CCM2L: variants seen among roughly 807,000 people sequenced by gnomAD.
CCM2L encodes cerebral cavernous malformations 2 protein-like.
CCM2L carries 36 observed loss-of-function variants against 54.1 expected under a neutral mutation model. That is an observed-to-expected ratio of 0.67 (90% confidence interval 0.51 to 0.88). The LOEUF (loss-of-function observed/expected upper bound fraction) is 0.88. CCM2L is among the 40% of genes least tolerant of loss of function. The probability of loss-of-function intolerance (pLI) is 0.00; values close to 1 mark genes in which losing one functional copy is unlikely to be tolerated. For missense variants in CCM2L, 700 were observed against 812.1 expected, an observed-to-expected ratio of 0.86 and a Z score of 1.68; for synonymous variants, 351 against 359.3, an observed-to-expected ratio of 0.98 and a Z score of 0.26.
intron 5 of CCM2L, 122 bp from the exon 6 acceptor site, chr20:32,022,538 C>T: frequency 8.8e-7 from 1 of 1,133,648 alleles, no homozygotes; most frequent in Non-Finnish European, 1.2e-6. Flanking sequence ...TCTTGAAAGC[C>T]AATTTAAAGG....
Position 32,019,395 on chromosome 20 carries a change from G to T in CCM2L, c.919G>T (p.Ala307Ser). 6.5e-7 allele frequency: 1 copy of T among 1,530,414 alleles called. No homozygotes were observed. The highest frequency in any genetic ancestry group is 8.7e-7 in the Non-Finnish European group (1 of 1,147,160). The allele number at this position is 1,530,414 out of a possible 1,614,324, so 94.8% of individuals were successfully genotyped here. A position where few individuals can be genotyped will look rare whatever the true frequency, so the allele number is the denominator to read the frequency against. ...PDAYCNLVILAVANRDAAEES... is the reference protein window; with the variant it reads ...PDAYCNLVILSVANRDAAEES... ...CGCCTACTGCAACCTGGTCATCCTG[G>T]CTGTAGCCAACAGGGTGAGCCCGAG... The change falls in exon 5 of 10, where the codon GCT becomes TCT. Residue 307 changes from alanine to serine, a missense_variant. Ala to Ser is a moderately conservative substitution (Grantham distance 99, BLOSUM62 1). Transcript: ENST00000452892.
intron 8 of CCM2L, 82 bp downstream of exon 8, chr20:32,029,206 T>C: frequency 6.3e-7 from 1 of 1,576,304 alleles, no homozygotes; most frequent in Non-Finnish European, 8.7e-7. Flanking sequence ...CACATTGCCC[T>C]GGACATAACC....
chr20:32,011,797 G>A (rs1057209440), intron 1 of CCM2L, among the ~76,000 whole-genome samples: 11 of 151,826 alleles, frequency 7.2e-5, no homozygotes, highest in African/African-American at 2.7e-4. Flanking sequence ...GACTGAAGGA[G>A]GACTGTGTAG....
intron 4 of CCM2L, 23 bp downstream of exon 4, chr20:32,018,185 CGG>C: frequency 2.8e-6 from 1 of 352,898 alleles, no homozygotes. Flanking sequence ...GGGGCGGGGG[CGG>C]GGGAGGGGCG....
Position 32,019,414 on chromosome 20 carries a change from G to T in CCM2L, c.933+5G>T. ...ATCCTGGCTGTAGCCAACAGGGTGA[G>T]CCCGAGGGCAGCCTGCTCCCAAAGC... On this transcript the variant is annotated splice_donor_5th_base_variant and intron_variant, in intron 5 of 9. Coordinates refer to ENST00000452892, the MANE Select transcript of CCM2L (RefSeq NM_001365692.1). The T allele has an allele frequency of 6.6e-7, 1 of 1,513,862 alleles. No individual in the cohort carries two copies. Among genetic ancestry groups the T allele is most frequent in the South Asian group, 1.2e-5 (1 of 82,838 alleles). 93.8% of individuals were successfully genotyped at this position (1,513,862 alleles called of 1,614,324 possible). A position where few individuals can be genotyped will look rare whatever the true frequency, so the allele number is the denominator to read the frequency against.
At position 32,031,446 on chromosome 20, in the gene CCM2L, C is replaced by T. The variant is rs189040554; in HGVS notation, c.*132C>T. On this transcript the variant is annotated 3_prime_UTR_variant, in exon 10 of 10. Coordinates refer to ENST00000452892, the MANE Select transcript of CCM2L (RefSeq NM_001365692.1). ...GGGTCTTCACTCCAGGGTCTCGCTCCCTGCCCTTGGGGCCCGGGGCCATGC... is the reference window on the plus strand; with the variant it reads ...GGGTCTTCACTCCAGGGTCTCGCTCTCTGCCCTTGGGGCCCGGGGCCATGC... 982 of 726,858 alleles carry T rather than the reference C, an allele frequency of 1.4e-3. 9 individuals are homozygous for T. In the African/African-American group the frequency reaches 0.016, roughly 12 times the overall value. 45.0% of individuals were successfully genotyped at this position (726,858 alleles called of 1,614,324 possible). A position where few individuals can be genotyped will look rare whatever the true frequency, so the allele number is the denominator to read the frequency against.
chr20:32,025,363 G>A (rs572348926), intron 6 of CCM2L, among the ~76,000 whole-genome samples: 1 of 151,438 alleles, frequency 6.6e-6, no homozygotes, highest in East Asian at 1.9e-4. Context: ...CGACCTCCCA[G>A]GCCCAAGCAG....
Position 32,017,806 on chromosome 20 carries a change from G to A in CCM2L, c.205G>A (p.Gly69Ser), listed in dbSNP as rs376417186. The part of the protein sequence containing the change: ...DYLEKEVKFL[G>S]HLTWVTSSLN... ...CACCCCGATTTCCATCCAGTTCCTG[G>A]GCCACCTTACCTGGGTGACTTCCTC... The change falls in exon 3 of 10, where the codon GGC (glycine) becomes AGC (serine). Residue 69 changes from glycine to serine, a missense_variant. Physicochemically the swap from Gly to Ser is moderately conservative, Grantham distance 56. Transcript: ENST00000452892. 3 of 1,614,020 alleles carry A rather than the reference G, an allele frequency of 1.9e-6. No homozygotes were observed. The highest frequency in any genetic ancestry group is 2.2e-5 in the East Asian group (1 of 44,862).
intron 7 of CCM2L, 136 bp from the exon 8 acceptor site, chr20:32,028,859 A>G: frequency 9.2e-7 from 1 of 1,088,274 alleles, no homozygotes; most frequent in East Asian, 2.6e-5. Flanking sequence ...ATGAGACTTG[A>G]GAGGTGCCAG....
At chr20:32,023,787 A>G (rs1032380548) in intron 6 of CCM2L, among the ~76,000 whole-genome samples, 1 of 152,216 alleles carries the variant, frequency 6.6e-6, no homozygotes, top group Admixed American at 6.5e-5. Flanking sequence ...GCTGGAGTGC[A>G]GTGGCACGAT....
intron 8 of CCM2L, among the ~76,000 whole-genome samples, chr20:32,029,458 C>G (rs998293850): frequency 2.0e-5 from 3 of 152,298 alleles, no homozygotes; most frequent in Non-Finnish European, 4.4e-5. Context: ...GAGGTTGTCA[C>G]CTACCCAAGA....
chr20:32,017,018 C>T (rs1297995323), intron 2 of CCM2L, among the ~76,000 whole-genome samples: 4 of 150,708 alleles, frequency 2.7e-5, no homozygotes, highest in Admixed American at 6.6e-5. Context: ...CGTGGTGGCA[C>T]GTGCCTGTAA....
At position 32,011,911 on chromosome 20, in the gene CCM2L, A is replaced by T. The variant is rs542525147; in HGVS notation, c.30+1427A>T. On this transcript the variant is annotated intron_variant, in intron 1 of 9. Coordinates refer to ENST00000452892, the MANE Select transcript of CCM2L (RefSeq NM_001365692.1). ...AAATACTTACCCCTCCCCACCCCTA[A>T]TACACACACATACGCAAGACAAAGT... 4.0e-5 allele frequency among the ~76,000 whole-genome samples: 6 copies of T among 151,868 alleles called. No individual in the cohort carries two copies. The South Asian group carries it at 1.3e-3, about 32-fold the overall frequency.
chr20:32,030,227 C>T (rs933036201), intron 9 of CCM2L, among the ~76,000 whole-genome samples: 1 of 152,170 alleles, frequency 6.6e-6, no homozygotes, highest in African/African-American at 2.4e-5. Flanking sequence ...CTGACATGTG[C>T]TTGGCAGTTA....
chr20:32,028,949 G>A (rs1469811374), intron 7 of CCM2L, 46 bp from the exon 8 acceptor site: 1 of 1,610,450 alleles, frequency 6.2e-7, no homozygotes, highest in Admixed American at 1.7e-5. Flanking sequence ...CTGAGGGCCA[G>A]GAGCTGGAGG....
intron 1 of CCM2L, among the ~76,000 whole-genome samples, chr20:32,014,259 A>ATT (rs1469397735): frequency 0.056 from 7,730 of 138,316 alleles, 230 homozygotes; most frequent in African/African-American, 0.079. Flanking sequence ...ATATATATAT[A>ATT]TATTTTTTTT....
intron 9 of CCM2L, among the ~76,000 whole-genome samples, chr20:32,030,203 A>G (rs1478278687): frequency 6.6e-6 from 1 of 152,192 alleles, no homozygotes; most frequent in Non-Finnish European, 1.5e-5. Flanking sequence ...AACAGGAGGA[A>G]TAATACGAAT....
At position 32,027,302 on chromosome 20, in the gene CCM2L, C is replaced by T. The variant is rs376255748; in HGVS notation, c.1133+1383C>T. ...TTAGTGGCAATAGATTTGCCTTCCT[C>T]ATACTGTATGCCCTTAGGCTAGTCT... On this transcript the variant is annotated intron_variant, in intron 7 of 9. Transcript: ENST00000452892. Among the ~76,000 whole-genome samples the T allele has an allele frequency of 5.9e-5, 9 of 152,254 alleles. No homozygotes were observed. In the East Asian group the frequency reaches 9.6e-4, roughly 16 times the overall value.
At chr20:32,012,777 C>T (rs2064705300) in intron 1 of CCM2L, among the ~76,000 whole-genome samples, 1 of 152,178 alleles carries the variant, frequency 6.6e-6, no homozygotes, top group African/African-American at 2.4e-5. Flanking sequence ...CAGCAGAGTC[C>T]AGCCATACAG....
Sources: gnomAD v4.1 joint callset for allele counts (sites outside exome capture counted in the v4.1 genomes callset) on GRCh38, gnomAD v4.1.1 for gene constraint, MANE v1.5 for transcripts, NCBI Gene and HGNC (gene_info 2026-07-23, HGNC 2026-07-21) for gene names.